EEIG2: variants seen among roughly 807,000 people sequenced by gnomAD.
The protein encoded by EEIG2 is EEIG family member 2, also known as family with sequence similarity 102 member B.
the EEIG2 span, among the ~76,000 whole-genome samples, chr1:108,590,501 G>A: frequency 9.2e-5 from 14 of 152,286 alleles, no homozygotes; most frequent in African/African-American, 3.4e-4. Context: ...GCACTGTTCT[G>A]AACTCTTGTG....
chr1:108,603,286 T>C, the EEIG2 span, among the ~76,000 whole-genome samples: 3 of 152,212 alleles, frequency 2.0e-5, no homozygotes, highest in Non-Finnish European at 4.4e-5. Flanking sequence ...GCGAAGACAC[T>C]GAGTTGAGAT....
At chr1:108,609,032 C>A in the EEIG2 span, among the ~76,000 whole-genome samples, 6 of 152,214 alleles carry the variant, frequency 3.9e-5, no homozygotes, top group Non-Finnish European at 7.3e-5. Flanking sequence ...TAGGCTCTGC[C>A]ACCTAATACC....
At chr1:108,606,001 C>T in the EEIG2 span, among the ~76,000 whole-genome samples, 2 of 152,124 alleles carry the variant, frequency 1.3e-5, no homozygotes, top group African/African-American at 4.8e-5. Context: ...AGCTTATATT[C>T]TCACCATTTG....
chr1:108,625,461 T>G, the EEIG2 span: 1 of 152,234 alleles, frequency 6.6e-6, no homozygotes, highest in African/African-American at 2.4e-5. Context: ...AGTTATATAA[T>G]TAACCCTTTC....
At chr1:108,576,668 T>G in the EEIG2 span, among the ~76,000 whole-genome samples, 10 of 148,050 alleles carry the variant, frequency 6.8e-5, no homozygotes, top group African/African-American at 2.3e-4. Context: ...GGTGTATATG[T>G]GCCACATTTT....
chr1:108,616,745 A>T, the EEIG2 span, among the ~76,000 whole-genome samples: 3 of 152,192 alleles, frequency 2.0e-5, no homozygotes, highest in Non-Finnish European at 2.9e-5. Flanking sequence ...TAAGTGCCTT[A>T]CCATGTGTTA....
the EEIG2 span, among the ~76,000 whole-genome samples, chr1:108,617,172 G>T: frequency 2.0e-5 from 3 of 152,084 alleles, no homozygotes; most frequent in African/African-American, 7.2e-5. Context: ...AGGAGATGAG[G>T]TCAGATGATA....
the EEIG2 span, among the ~76,000 whole-genome samples, chr1:108,582,979 A>G: frequency 1.3e-5 from 2 of 150,612 alleles, no homozygotes; most frequent in Non-Finnish European, 2.9e-5. Context: ...TGAACCCCCC[A>G]CACACACTTT....
the EEIG2 span, among the ~76,000 whole-genome samples, chr1:108,575,126 A>G: frequency 6.6e-6 from 1 of 152,226 alleles, no homozygotes; most frequent in Non-Finnish European, 1.5e-5. Flanking sequence ...CTGTTTTTTA[A>G]AGAGGCTACA....
the EEIG2 span, among the ~76,000 whole-genome samples, chr1:108,599,720 C>T: frequency 5.9e-5 from 9 of 152,138 alleles, no homozygotes; most frequent in Non-Finnish European, 1.2e-4. Flanking sequence ...TTTAAAGTGA[C>T]GAGGCTCACG....
chr1:108,606,214 C>A, the EEIG2 span: 1 of 1,546,680 alleles, frequency 6.5e-7, no homozygotes, highest in South Asian at 1.2e-5. Context: ...TATTTTCTGT[C>A]TTTGGCAGGA....
At chr1:108,579,337 CAAAG>C in the EEIG2 span, among the ~76,000 whole-genome samples, 1 of 92,880 alleles carries the variant, frequency 1.1e-5, no homozygotes, top group African/African-American at 3.7e-5. Flanking sequence ...TCAAAAGAGA[CAAAG>C]AAGGCCATTA....
At chr1:108,571,687 C>T in the EEIG2 span, among the ~76,000 whole-genome samples, 4 of 152,276 alleles carry the variant, frequency 2.6e-5, no homozygotes, top group South Asian at 6.2e-4. Flanking sequence ...TCTCTGGCTG[C>T]TACTTCTTGG....
the EEIG2 span, among the ~76,000 whole-genome samples, chr1:108,597,457 A>G: frequency 6.6e-6 from 1 of 152,218 alleles, no homozygotes; most frequent in Admixed American, 6.5e-5. Flanking sequence ...TCATCTTATC[A>G]GGAGAATACA....
the EEIG2 span, chr1:108,627,926 T>C: frequency 1.0e-5 from 5 of 494,454 alleles, no homozygotes; most frequent in Non-Finnish European, 1.8e-5. Flanking sequence ...AATAAAGGAC[T>C]GAAATAATTT....
the EEIG2 span, among the ~76,000 whole-genome samples, chr1:108,618,674 C>T: frequency 3.9e-5 from 6 of 151,954 alleles, no homozygotes; most frequent in Admixed American, 2.0e-4. Flanking sequence ...AGGAGGATCA[C>T]TCTACAAAAA....
the EEIG2 span, chr1:108,560,308 G>A: frequency 2.6e-6 from 2 of 782,586 alleles, no homozygotes; most frequent in Admixed American, 6.4e-5. Flanking sequence ...GGCGCCCCCC[G>A]GCCGCGCCCC....
the EEIG2 span, among the ~76,000 whole-genome samples, chr1:108,565,463 C>T: frequency 6.6e-6 from 1 of 152,192 alleles, no homozygotes; most frequent in Non-Finnish European, 1.5e-5. Flanking sequence ...TAAATCTTTT[C>T]ACCGTACTTC....
the EEIG2 span, among the ~76,000 whole-genome samples, chr1:108,589,757 C>T: frequency 7.0e-6 from 1 of 142,544 alleles, no homozygotes; most frequent in South Asian, 2.4e-4. Flanking sequence ...GCTTCAGTGA[C>T]TATTTACATG....
Sources: gnomAD v4.1 joint callset for allele counts (sites outside exome capture counted in the v4.1 genomes callset) on GRCh38, gnomAD v4.1.1 for gene constraint, MANE v1.5 for transcripts, NCBI Gene and HGNC (gene_info 2026-07-23, HGNC 2026-07-21) for gene names.